PIN4: variants seen among roughly 807,000 people sequenced by gnomAD.
PIN4 encodes peptidylprolyl cis/trans isomerase, NIMA-interacting 4.
A neutral mutation model predicts 8.3 loss-of-function variants in PIN4; 3 were observed. That is an observed-to-expected ratio of 0.36 (90% CI 0.16 to 0.93). The LOEUF (loss-of-function observed/expected upper bound fraction) is 0.93. Among genes scored for constraint, PIN4 ranks in the 40% least tolerant of loss-of-function variants. The pLI is 0.44. For synonymous variants in PIN4, 18 were observed against 32.5 expected (o/e 0.55, Z 1.52); for missense variants, 75 against 100.6 (o/e 0.75, Z 1.09).
chrX:72,233,344 G>A (rs1484991197), intron 3 of PIN4, among the ~76,000 whole-genome samples: 1 of 111,797 alleles, frequency 8.9e-6, no homozygotes, highest in Non-Finnish European at 1.9e-5. Flanking sequence ...AAGTGGAGGG[G>A]AGGGGAGAAC....
In PIN4 at chrX:72,206,347, C is replaced by T. The variant is rs756889450; in HGVS notation, c.312+9443C>T. On this transcript the variant is annotated intron_variant, in intron 3 of 3. Coordinates refer to the PIN4 transcript ENST00000423432. Reference sequence around the variant, plus strand: ...TGGTAAAGTAGCTATAGAGTCAGCACTACCTGTACCTTTACCATCTTGCAA... The same window carrying T: ...TGGTAAAGTAGCTATAGAGTCAGCATTACCTGTACCTTTACCATCTTGCAA... The T allele has an allele frequency of 1.1e-5, 13 of 1,208,265 alleles. No homozygotes were observed. The East Asian group carries it at 3.6e-4, about 33-fold the overall frequency.
chrX:72,205,226 A>G, intron 3 of PIN4: 1 of 1,211,893 alleles, frequency 8.3e-7, no homozygotes, highest in Non-Finnish European at 1.1e-6. Context: ...TGTTCACCAG[A>G]CAAAGGCTCA....
intron 3 of PIN4, among the ~76,000 whole-genome samples, chrX:72,222,491 C>A (rs1602446222): frequency 9.0e-6 from 1 of 111,073 alleles, no homozygotes; most frequent in African/African-American, 3.3e-5. Flanking sequence ...GCGACAGAAC[C>A]ACATGATTAC....
chrX:72,221,515 C>T (rs2042923178), intron 3 of PIN4, among the ~76,000 whole-genome samples: 1 of 110,999 alleles, frequency 9.0e-6, no homozygotes, highest in African/African-American at 3.3e-5. Context: ...ACATGGGTGC[C>T]AAACAATCCC....
chrX:72,231,072 G>T (rs1375350149), intron 3 of PIN4, among the ~76,000 whole-genome samples: 1 of 111,945 alleles, frequency 8.9e-6, no homozygotes, highest in Non-Finnish European at 1.9e-5. Context: ...CTCACTTCTG[G>T]GTACTTCCAA....
In PIN4 at chrX:72,219,705, C is replaced by T. The variant is rs148175204; in HGVS notation, c.312+22801C>T. Reference sequence around the variant, plus strand: ...TCTACTAAAAATACAAAAAAATTAGCGGGCGTGGTGGTGCACGCCTGTCAT... The same window carrying T: ...TCTACTAAAAATACAAAAAAATTAGTGGGCGTGGTGGTGCACGCCTGTCAT... On this transcript the variant is annotated intron_variant, in intron 3 of 3. Transcript: ENST00000423432. 2.4e-3 allele frequency among the ~76,000 whole-genome samples: 260 copies of T among 106,236 alleles called. 7 individuals carry two copies. The East Asian group carries it at 0.054, about 22-fold the overall frequency. 92.3% of individuals were successfully genotyped at this position (106,236 alleles called of 115,157 possible).
chrX:72,216,830 G>A (rs1033567734), intron 3 of PIN4, among the ~76,000 whole-genome samples: 1 of 111,571 alleles, frequency 9.0e-6, no homozygotes, highest in Admixed American at 9.5e-5. Flanking sequence ...TTAAGGAGCT[G>A]GAGGTACTAA....
chrX:72,185,903 C>T (rs1346050155), intron 1 of PIN4, among the ~76,000 whole-genome samples: 2 of 112,437 alleles, frequency 1.8e-5, no homozygotes, highest in African/African-American at 6.5e-5. Context: ...CATGATAGAA[C>T]TCTTACAAGA....
chrX:72,257,954 C>T (rs183063193), intron 3 of PIN4, among the ~76,000 whole-genome samples: 43 of 111,762 alleles, frequency 3.8e-4, no homozygotes, highest in East Asian at 1.7e-3. Context: ...GGAAAAGCCT[C>T]GTAGCAGAGC....
chrX:72,210,576 G>A (rs998647468), intron 3 of PIN4, among the ~76,000 whole-genome samples: 26 of 111,613 alleles, frequency 2.3e-4, no homozygotes, highest in Non-Finnish European at 4.5e-4. Flanking sequence ...CTGGGGTTCT[G>A]TGTAACTCTA....
At chrX:72,262,297 C>T (rs1410566564) in intron 3 of PIN4, among the ~76,000 whole-genome samples, 1 of 112,187 alleles carries the variant, frequency 8.9e-6, no homozygotes, top group African/African-American at 3.2e-5. Context: ...CAGCATTCAG[C>T]GCCCCACCCC....
At chrX:72,213,647 G>A (rs891888474) in intron 3 of PIN4, among the ~76,000 whole-genome samples, 5 of 112,240 alleles carry the variant, frequency 4.5e-5, no homozygotes, top group Admixed American at 9.4e-5. Context: ...GCCCATTGCC[G>A]CTCCCAATCG....
At chrX:72,239,020 C>T (rs1231208409) in intron 3 of PIN4, 1 of 801,534 alleles carries the variant, frequency 1.2e-6, no homozygotes, top group Non-Finnish European at 1.8e-6. Context: ...CACTCCCGCC[C>T]CGCGCATGCT....
chrX:72,238,871 C>T, intron 3 of PIN4: 1 of 1,196,742 alleles, frequency 8.4e-7, no homozygotes, highest in African/African-American at 1.7e-5. Flanking sequence ...CTGCTCTGGG[C>T]TCAAGGCCTC....
At chrX:72,211,343 C>T (rs1379464953) in intron 3 of PIN4, among the ~76,000 whole-genome samples, 1 of 109,535 alleles carries the variant, frequency 9.1e-6, no homozygotes, top group Admixed American at 9.8e-5. Context: ...AACCCTCAAG[C>T]AAGAGAACAA....
chrX:72,194,118 G>T (rs1384623310), intron 2 of PIN4, among the ~76,000 whole-genome samples: 1 of 111,758 alleles, frequency 8.9e-6, no homozygotes, highest in African/African-American at 3.3e-5. Context: ...CTACAGTAGG[G>T]GACGGGTGCG....
intron 3 of PIN4, among the ~76,000 whole-genome samples, chrX:72,219,938 T>G (rs1018460005): frequency 6.3e-5 from 7 of 111,366 alleles, no homozygotes; most frequent in Non-Finnish European, 1.1e-4. Flanking sequence ...GCCTTGTTCC[T>G]GATATGAGCG....
At chrX:72,226,118 T>C (rs1364813014) in intron 3 of PIN4, among the ~76,000 whole-genome samples, 1 of 111,839 alleles carries the variant, frequency 8.9e-6, no homozygotes, top group Non-Finnish European at 1.9e-5. Context: ...TCTCTCTTCA[T>C]AGATGCTCCC....
At chrX:72,206,721 C>G in intron 3 of PIN4, 1 of 1,211,441 alleles carries the variant, frequency 8.3e-7, no homozygotes, top group Non-Finnish European at 1.1e-6. Flanking sequence ...CTTTAACAGA[C>G]AGATCACATG....
Sources: allele counts gnomAD v4.1 joint callset (sites outside exome capture counted in the v4.1 genomes callset), GRCh38; gene constraint gnomAD v4.1.1; transcripts MANE v1.5; gene names NCBI Gene and HGNC (gene_info 2026-07-23, HGNC 2026-07-21).